The following TRIOBP variants were observed in gnomAD, a reference collection of about 807,000 sequenced individuals.
TRIOBP encodes the protein TRIO and F-actin binding protein.
Under a neutral mutation model 238.8 loss-of-function variants are expected in TRIOBP, and 169 were observed. The ratio of observed to expected loss-of-function variants is 0.71; its 90% CI spans 0.62 to 0.80. The LOEUF is 0.80. TRIOBP is among the 30% of genes least tolerant of loss of function. The pLI, the probability that TRIOBP is intolerant of heterozygous loss-of-function variation, is 0.00. For missense variants in TRIOBP, 2,838 were observed against 3,122.6 expected (o/e 0.91, Z 2.17); for synonymous variants, 1,150 against 1,274.4 (o/e 0.90, Z 2.08).
Position 37,735,359 on chromosome 22 carries a change from A to T in TRIOBP, c.5023A>T (p.Thr1675Ser). The T allele has an allele frequency of 6.2e-7, 1 of 1,612,646 alleles. No homozygotes were observed. The highest frequency in any genetic ancestry group is 8.5e-7 in the Non-Finnish European group (1 of 1,179,638). Residue 1675 changes from threonine (T) to serine (S), a missense_variant, in exon 9 of 24, where the codon ACC becomes TCC. Thr to Ser is a moderately conservative substitution (Grantham distance 58). Coordinates refer to ENST00000644935, the MANE Select transcript of TRIOBP (RefSeq NM_001039141.3). Reference sequence around the variant, plus strand: ...GATCAAAGTGACAAGAGGACCAGCGACCGCAACTCTGGCAGGCCTGGAGCA... The same window carrying T: ...GATCAAAGTGACAAGAGGACCAGCGTCCGCAACTCTGGCAGGCCTGGAGCA... The part of the protein sequence containing the change: ...PKIKVTRGPA[T>S]ATLAGLEQTG...
In TRIOBP at chr22:37,702,463, C is replaced by G. The variant is rs953340748; in HGVS notation, c.114+984C>G. On this transcript the variant is annotated intron_variant, in intron 3 of 23. Transcript: ENST00000644935. Reference sequence around the variant, plus strand: ...AGGTGATCCACCCGCCTCAGCCTCCCAAAGTGTTGGGATTACAGGCGTGAG... The same window carrying G: ...AGGTGATCCACCCGCCTCAGCCTCCGAAAGTGTTGGGATTACAGGCGTGAG... 3.9e-5 allele frequency among the ~76,000 whole-genome samples: 6 copies of G among 152,096 alleles called. No individual in the cohort carries two copies. In the South Asian group the frequency reaches 1.2e-3, roughly 32 times the overall value.
rs1926968528 is a variant in TRIOBP at position 37,775,052 on chromosome 22, G to A, written c.*1272G>A. On this transcript the variant is annotated 3_prime_UTR_variant, in exon 24 of 24. Transcript: ENST00000644935. Reference sequence around the variant, plus strand: ...GCCAGGCACAGGTCCAGCGGGCTGGGAGTCCTCACCATGGCTGGCTGTGCT... The same window carrying A: ...GCCAGGCACAGGTCCAGCGGGCTGGAAGTCCTCACCATGGCTGGCTGTGCT... 1 of 152,384 alleles carries A rather than the reference G, an allele frequency of 6.6e-6. No homozygotes were observed. The highest frequency in any genetic ancestry group is 1.5e-5 in the Non-Finnish European group (1 of 68,192). 9.4% of individuals were successfully genotyped at this position (152,384 alleles called of 1,614,324 possible). A position where few individuals can be genotyped will look rare whatever the true frequency, so the allele number is the denominator to read the frequency against.
chr22:37,745,747 A>G (rs572275905), intron 11 of TRIOBP, among the ~76,000 whole-genome samples: 59 of 152,258 alleles, frequency 3.9e-4, no homozygotes, highest in Non-Finnish European at 6.2e-4. Flanking sequence ...TGTGGTGAGG[A>G]CGAAAATCGA....
chr22:37,759,720 C>T, intron 17 of TRIOBP: 2 of 1,476,586 alleles, frequency 1.4e-6, no homozygotes, highest in Non-Finnish European at 9.0e-7. Context: ...CCTCCAGTAG[C>T]CCTCAGAGAA....
intron 12 of TRIOBP, 116 bp downstream of exon 12, chr22:37,751,944 G>C (rs1925632006): frequency 1.1e-6 from 1 of 913,990 alleles, no homozygotes; most frequent in Non-Finnish European, 1.7e-6. Flanking sequence ...GGGTGGGGCT[G>C]GGAGGGGTGG....
chr22:37,759,440 C>T (rs780832424), intron 17 of TRIOBP, 176 bp downstream of exon 17: 13 of 1,417,750 alleles, frequency 9.2e-6, no homozygotes, highest in South Asian at 2.3e-5. Flanking sequence ...TCACTGTGCC[C>T]GTTTTACAGA....
chr22:37,704,738 G>A (rs371134525), intron 3 of TRIOBP, among the ~76,000 whole-genome samples: 8 of 151,838 alleles, frequency 5.3e-5, no homozygotes, highest in African/African-American at 1.9e-4. Context: ...AGGAAGAGGA[G>A]AGGAAGGAAG....
In TRIOBP at chr22:37,710,614, C is replaced by A. The variant is rs1923187951; in HGVS notation, c.254+48C>A. Reference sequence around the variant, plus strand: ...GGAAGGGCTTCATGGGGTGGAATGCCCTCACCCTTCCCATTTGCACTCCTT... The same window carrying A: ...GGAAGGGCTTCATGGGGTGGAATGCACTCACCCTTCCCATTTGCACTCCTT... On this transcript the variant is annotated intron_variant, in intron 4 of 23. Transcript: ENST00000644935. 3 of 1,580,246 alleles carry A rather than the reference C, an allele frequency of 1.9e-6. No individual in the cohort carries two copies. In the East Asian group the frequency reaches 6.8e-5, roughly 36 times the overall value.
chr22:37,760,604 G>A (rs1271442685), intron 17 of TRIOBP, among the ~76,000 whole-genome samples: 2 of 152,210 alleles, frequency 1.3e-5, no homozygotes, highest in African/African-American at 4.8e-5. Flanking sequence ...GTTAATGGCT[G>A]TGCTTAACAA....
chr22:37,765,538 T>C (rs1333497509), intron 17 of TRIOBP, 132 bp from the exon 18 acceptor site: 22 of 1,206,452 alleles, frequency 1.8e-5, no homozygotes, highest in Non-Finnish European at 2.5e-5. Context: ...CAGGAGCAGG[T>C]GCAGACTGGA....
At chr22:37,740,803 G>A in intron 10 of TRIOBP, 92 bp from the exon 11 acceptor site, 2 of 1,532,866 alleles carry the variant, frequency 1.3e-6, no homozygotes, top group Non-Finnish European at 1.8e-6. Flanking sequence ...CCATGGTGGG[G>A]GGCACCACAG....
intron 9 of TRIOBP, 126 bp downstream of exon 9, chr22:37,735,568 C>A: frequency 1.7e-6 from 2 of 1,151,162 alleles, no homozygotes; most frequent in Non-Finnish European, 2.5e-6. Context: ...CAGACCTCAG[C>A]CTCCCTGCTG....
In TRIOBP at chr22:37,725,537, C is replaced by T; in HGVS notation, c.2981C>T (p.Pro994Leu). The part of the protein sequence containing the change: ...GHQSTSRTSS[P>L]VYPAAYGAPL... ...CAGAGCACCTCCCGAACTTCCTCAC[C>T]TGTGTACCCCGCTGCCTATGGGGCT... Residue 994 changes from proline (P) to leucine (L), a missense_variant, in exon 7 of 24, where the codon CCT becomes CTT. Pro to Leu is a moderately conservative substitution (Grantham distance 98, BLOSUM62 -3). This residue lies in a region of TRIOBP where 2,096 missense variants were observed against 2,137.4 expected (regional missense o/e 0.98). Transcript: ENST00000644935. 1 of 1,613,762 alleles carries T rather than the reference C, an allele frequency of 6.2e-7. No individual in the cohort carries two copies. The highest frequency in any genetic ancestry group is 8.5e-7 in the Non-Finnish European group (1 of 1,180,014).
chr22:37,750,730 G>C, intron 11 of TRIOBP: 1 of 471,080 alleles, frequency 2.1e-6, no homozygotes, highest in South Asian at 1.5e-5. Flanking sequence ...CCCAAGCCCC[G>C]GTTGGTCCAC....
chr22:37,705,840 T>G (rs926063295), intron 3 of TRIOBP, among the ~76,000 whole-genome samples: 2 of 152,164 alleles, frequency 1.3e-5, no homozygotes, highest in African/African-American at 4.8e-5. Context: ...CCTCCCAAAG[T>G]GCTGAGATTA....
At chr22:37,747,135 A>G (rs1925324686) in intron 11 of TRIOBP, among the ~76,000 whole-genome samples, 1 of 151,566 alleles carries the variant, frequency 6.6e-6, no homozygotes, top group African/African-American at 2.4e-5. Context: ...TGCCATAGTT[A>G]GCATATTGAG....
At chr22:37,764,543 G>A (rs1926393188) in intron 17 of TRIOBP, among the ~76,000 whole-genome samples, 1 of 152,134 alleles carries the variant, frequency 6.6e-6, no homozygotes, top group Non-Finnish European at 1.5e-5. Flanking sequence ...TACCAACCTG[G>A]CTGTAGGGAA....
Position 37,757,897 on chromosome 22 carries a change from A to G in TRIOBP, c.5972A>G (p.Glu1991Gly). 1 of 1,553,398 alleles carries G rather than the reference A, an allele frequency of 6.4e-7. No individual in the cohort carries two copies. Among genetic ancestry groups the G allele is most frequent in the Non-Finnish European group, 8.7e-7 (1 of 1,148,734 alleles). The change falls in exon 16 of 24, where the codon GAG (glutamate) becomes GGG (glycine). Residue 1991 changes from glutamate (E) to glycine (G), a missense_variant. Glu to Gly is a moderately conservative substitution (Grantham distance 98). This residue lies in a region of TRIOBP where 2,096 missense variants were observed against 2,137.4 expected (regional missense o/e 0.98). Transcript: ENST00000644935. ...TCCGAGGAGCGGCGCAAGTGGTTTG[A>G]GGCCACAGACAGCAGGACCCCAGAG... ...QRSEERRKWF[E>G]ATDSRTPEVP...
At chr22:37,706,071 C>T (rs950979408) in intron 3 of TRIOBP, among the ~76,000 whole-genome samples, 7 of 151,998 alleles carry the variant, frequency 4.6e-5, no homozygotes, top group South Asian at 2.1e-4. Flanking sequence ...GACACATTTC[C>T]GAACTAATTG....
Sources: gnomAD v4.1 joint callset for allele counts (sites outside exome capture counted in the v4.1 genomes callset) on GRCh38, gnomAD v4.1.1 for gene constraint, gnomAD v4.1.1 regional missense constraint, MANE v1.5 for transcripts, NCBI Gene and HGNC (gene_info 2026-07-23, HGNC 2026-07-21) for gene names.